The following OR5T2 variants were observed in gnomAD, a reference collection of about 807,000 sequenced individuals.
OR5T2 encodes the protein olfactory receptor 5T2.
OR5T2 carries 12 observed loss-of-function variants against 13.7 expected under a neutral mutation model. That is an observed-to-expected ratio of 0.88 (90% confidence interval 0.56 to 1.42). The LOEUF is 1.42. Ranked by LOEUF, OR5T2 falls within the 40% of genes most tolerant of loss-of-function variation. OR5T2 has a pLI of 0.00. For missense variants in OR5T2, 475 were observed against 372.0 expected, an observed-to-expected ratio of 1.28 and a Z score of -2.28; for synonymous variants, 146 against 139.5, an observed-to-expected ratio of 1.05 and a Z score of -0.33.
rs1355604779 is a variant in OR5T2 at position 56,232,302 on chromosome 11, A to ATTAT, written c.760_761insATAA (p.Leu254HisfsTer17). 8.1e-6 allele frequency: 13 copies of ATTAT among 1,609,984 alleles called. No homozygotes were observed. Among genetic ancestry groups the ATTAT allele is most frequent in the African/African-American group, 1.3e-5 (1 of 74,780 alleles). ...GGAACTTGGTCTCACATACATGAAG[A>ATTAT]GGATTGTCCCATAATAAATTGACAC... On this transcript the variant is annotated frameshift_variant, in exon 2 of 2. Coordinates refer to ENST00000641661, the MANE Select transcript of OR5T2 (RefSeq NM_001004746.4). LOFTEE classifies it high-confidence loss of function.
rs1853281035 is a variant in OR5T2 at position 56,231,678 on chromosome 11, G to A, written c.*428C>T. 1 of 156,170 alleles carries A rather than the reference G, an allele frequency of 6.4e-6. No homozygotes were observed. Among genetic ancestry groups the A allele is most frequent in the Non-Finnish European group, 1.4e-5 (1 of 71,104 alleles). The allele number at this position is 156,170 out of a possible 1,614,324, so 9.7% of individuals were successfully genotyped here. A position where few individuals can be genotyped will look rare whatever the true frequency, so the allele number is the denominator to read the frequency against. ...GGACACTGGTGAAGGGATGTGTAGG[G>A]CAAAGTATAAGGAAAGGGGTGCAGA... On this transcript the variant is annotated 3_prime_UTR_variant, in exon 2 of 2. Coordinates refer to ENST00000641661, the MANE Select transcript of OR5T2 (RefSeq NM_001004746.4).
In OR5T2 at chr11:56,233,244, G is replaced by C. The variant is rs551732972; in HGVS notation, c.-182C>G. On this transcript the variant is annotated 5_prime_UTR_variant, in exon 2 of 2. Transcript: ENST00000641661. Reference sequence around the variant, plus strand: ...TCAGAAGACAGTGACAAACTGGTCAGCCATGTGTTCATGCCACTCACTGCA... The same window carrying C: ...TCAGAAGACAGTGACAAACTGGTCACCCATGTGTTCATGCCACTCACTGCA... The C allele has an allele frequency of 2.9e-6, 4 of 1,401,790 alleles. No homozygotes were observed. The Admixed American group carries it at 1.0e-4, about 36-fold the overall frequency. 86.8% of individuals were successfully genotyped at this position (1,401,790 alleles called of 1,614,324 possible). A position where few individuals can be genotyped will look rare whatever the true frequency, so the allele number is the denominator to read the frequency against.
At position 56,232,752 on chromosome 11, in the gene OR5T2, C is replaced by G. The variant is rs1274623037; in HGVS notation, c.311G>C (p.Ser104Thr). Reference protein sequence around the residue: ...GCVAQVFLACSFGTTECFLLA... With the variant: ...GCVAQVFLACTFGTTECFLLA... ...GAGAAAGCATTCTGTGGTTCCAAAA[C>G]TACAAGCAAGAAACACCTGTGCTAC... Residue 104 changes from serine to threonine, a missense_variant, in exon 2 of 2, where the codon AGT (serine) becomes ACT (threonine). Ser to Thr is a moderately conservative substitution (Grantham distance 58). Coordinates refer to ENST00000641661, the MANE Select transcript of OR5T2 (RefSeq NM_001004746.4). The G allele has an allele frequency of 1.2e-6, 2 of 1,614,098 alleles. No homozygotes were observed. Among genetic ancestry groups the G allele is most frequent in the South Asian group, 1.1e-5 (1 of 91,082 alleles).
intron 1 of OR5T2, among the ~76,000 whole-genome samples, 178 bp downstream of exon 1, chr11:56,233,999 G>T (rs752798493): frequency 2.6e-5 from 4 of 151,956 alleles, no homozygotes; most frequent in Admixed American, 6.6e-5. Context: ...GATTCTTGAA[G>T]ATTTAATAAT....
Position 56,232,629 on chromosome 11 carries a change from G to T in OR5T2, c.434C>A (p.Ala145Asp), listed in dbSNP as rs375456660. The T allele has an allele frequency of 1.2e-5, 20 of 1,614,142 alleles. No individual in the cohort carries two copies. The South Asian group carries it at 2.2e-4, about 18-fold the overall frequency. ...SPRVYMPLIN[A>D]SYVAGILHAT... ...ATGTAAAATGCCAGCAACATAGGAA[G>T]CATTGATGAGTGGCATGTAGACTCT... is the stretch of plus-strand genomic sequence containing the variant. Residue 145 changes from alanine to aspartate, a missense_variant, in exon 2 of 2, where the codon GCT (alanine) becomes GAT (aspartate). By Grantham distance (126) the Ala-to-Asp change is moderately radical. Coordinates refer to ENST00000641661, the MANE Select transcript of OR5T2 (RefSeq NM_001004746.4).
rs949027917 is a variant in OR5T2, at chr11:56,231,935, G to C, written c.*171C>G. The C allele has an allele frequency of 2.1e-5, 11 of 511,914 alleles. No homozygotes were observed. In the East Asian group the frequency reaches 2.9e-4, roughly 14 times the overall value. The allele number at this position is 511,914 out of a possible 1,614,324, so 31.7% of individuals were successfully genotyped here. A position where few individuals can be genotyped will look rare whatever the true frequency, so the allele number is the denominator to read the frequency against. On this transcript the variant is annotated 3_prime_UTR_variant, in exon 2 of 2. Coordinates refer to ENST00000641661, the MANE Select transcript of OR5T2 (RefSeq NM_001004746.4). ...GCAAGTGAAAGGAGGGCAGGAGAAG[G>C]TAAAAGGCCTGCCCCTGAGGTATAA... is the stretch of plus-strand genomic sequence containing the variant.
rs780113715 is a variant in OR5T2 at position 56,232,993 on chromosome 11, T to G, written c.70A>C (p.Ile24Leu). The change falls in exon 2 of 2, where the codon ATC becomes CTC. Residue 24 changes from isoleucine to leucine, a missense_variant. Coordinates refer to ENST00000641661, the MANE Select transcript of OR5T2 (RefSeq NM_001004746.4). The stretch of plus-strand genomic sequence containing the variant: ...ATTGCTAGAAACAGGAAGAAGAAGA[T>G]AGTCTGCAGTTCAAGATTGTCTGTG... ...GFTDNLELQT[I>L]FFFLFLAIYL... 10 of 1,605,074 alleles carry G rather than the reference T, an allele frequency of 6.2e-6. No homozygotes were observed. Among genetic ancestry groups the G allele is most frequent in the Non-Finnish European group, 2.6e-6 (3 of 1,175,058 alleles).
rs776518358 is a variant in OR5T2 at position 56,233,037 on chromosome 11, A to C, written c.26T>G (p.Leu9Ter). 1.9e-6 allele frequency: 3 copies of C among 1,607,172 alleles called. No individual in the cohort carries two copies. The highest frequency in any genetic ancestry group is 2.2e-5 in the East Asian group (1 of 44,672). MKNVTEVT[L>*]FVLKGFTDNL... The stretch of plus-strand genomic sequence containing the variant: ...GTCTGTGAAGCCCTTCAGTACAAAT[A>C]AGGTAACTTCAGTGACATTCTTCAT... The change falls in exon 2 of 2, where the codon TTA (leucine) becomes TGA (stop). Residue 9 changes from leucine to a stop codon, truncating the protein, a stop_gained. Transcript: ENST00000641661. LOFTEE classifies it high-confidence loss of function.
Position 56,231,974 on chromosome 11 carries a change from A to G in OR5T2, c.*132T>C, listed in dbSNP as rs946455018. On this transcript the variant is annotated 3_prime_UTR_variant, in exon 2 of 2. Transcript: ENST00000641661. ...CCTGAGGTATAACACCCAACATTAT[A>G]ACAAAAGACTGTAACAAAGGCTATG... 4.1e-6 allele frequency: 3 copies of G among 737,752 alleles called. No homozygotes were observed. In the Admixed American group the frequency reaches 1.0e-4, roughly 24 times the overall value. The allele number at this position is 737,752 out of a possible 1,614,324, so 45.7% of individuals were successfully genotyped here.
chr11:56,232,439 A>C lies in OR5T2; in HGVS notation c.624T>G (p.Thr208=), dbSNP rs759904819. The stretch of plus-strand genomic sequence containing the variant: ...CATAGGAGATCAGAACAATCAGGAT[A>C]GTGACCAGCTCGATAGAGCCCACAA... The part of the protein sequence containing the change: ...FYFVGSIELV[T]ILIVLISYGL... The change falls in exon 2 of 2, where the codon ACT becomes ACG. Residue 208 remains threonine (T), a synonymous_variant. Transcript: ENST00000641661. 1 of 1,609,456 alleles carries C rather than the reference A, an allele frequency of 6.2e-7. No individual in the cohort carries two copies. Among genetic ancestry groups the C allele is most frequent in the Non-Finnish European group, 8.5e-7 (1 of 1,177,426 alleles).
intron 1 of OR5T2, among the ~76,000 whole-genome samples, chr11:56,233,688 T>A (rs933952917): frequency 6.6e-6 from 1 of 152,104 alleles, no homozygotes; most frequent in East Asian, 1.9e-4. Context: ...TTAAATCCAA[T>A]GAACAGTTAT....
At chr11:56,233,883 GA>G (rs1853332531) in intron 1 of OR5T2, among the ~76,000 whole-genome samples, 1 of 151,496 alleles carries the variant, frequency 6.6e-6, no homozygotes, top group Non-Finnish European at 1.5e-5. Flanking sequence ...AATTTCTTGT[GA>G]GACAGGCATT....
In OR5T2 at chr11:56,232,860, T is replaced by TC; in HGVS notation, c.202dup (p.Asp68GlyfsTer21). 1.2e-6 allele frequency: 2 copies of TC among 1,612,526 alleles called. No individual in the cohort carries two copies. On this transcript the variant is annotated frameshift_variant, in exon 2 of 2. Coordinates refer to ENST00000641661, the MANE Select transcript of OR5T2 (RefSeq NM_001004746.4). LOFTEE classifies it high-confidence loss of function. ...GGTAATAACTGAGGAATAGCAGGCA[T>TC]CCACAGAAGACAACATACTCAGAAA...
At position 56,232,619 on chromosome 11, in the gene OR5T2, A is replaced by T; in HGVS notation, c.444T>A (p.Val148=). Residue 148 remains valine (V), a synonymous_variant, in exon 2 of 2, where the codon GTT becomes GTA. Transcript: ENST00000641661. ...VYMPLINASY[V]AGILHATIHT... ...GTATAGTAGCATGTAAAATGCCAGC[A>T]ACATAGGAAGCATTGATGAGTGGCA... is the stretch of plus-strand genomic sequence containing the variant. 2 of 1,614,110 alleles carry T rather than the reference A, an allele frequency of 1.2e-6. No homozygotes were observed. Among genetic ancestry groups the T allele is most frequent in the South Asian group, 2.2e-5 (2 of 91,078 alleles).
rs1397536609 is a variant in OR5T2 at position 56,232,816 on chromosome 11, A to C, written c.247T>G (p.Phe83Val). The part of the protein sequence containing the change: ...SVITPNMLVD[F>V]TTKNKVISFL... ...GAAATGACTTTATTCTTTGTCGTAA[A>C]ATCTACTAACATATTTGGGGTAATA... Residue 83 changes from phenylalanine (F) to valine (V), a missense_variant, in exon 2 of 2, where the codon TTT becomes GTT. Physicochemically the swap from Phe to Val is conservative, Grantham distance 50. Coordinates refer to ENST00000641661, the MANE Select transcript of OR5T2 (RefSeq NM_001004746.4). 2.5e-6 allele frequency: 4 copies of C among 1,613,762 alleles called. No individual in the cohort carries two copies. In the East Asian group the frequency reaches 8.9e-5, roughly 36 times the overall value.
rs113109292 is a variant in OR5T2 at position 56,233,181 on chromosome 11, G to A, written c.-119C>T. The A allele has an allele frequency of 3.0e-5, 46 of 1,522,704 alleles. No individual in the cohort carries two copies. Among genetic ancestry groups the A allele is most frequent in the African/African-American group, 2.1e-4 (15 of 72,182 alleles). The allele number at this position is 1,522,704 out of a possible 1,614,324, so 94.3% of individuals were successfully genotyped here. ...AACTGTGCTCTTGTATATACTGTAC[G>A]ACATATATTCAGCAGTGCATAATTC... On this transcript the variant is annotated 5_prime_UTR_variant, in exon 2 of 2. Coordinates refer to ENST00000641661, the MANE Select transcript of OR5T2 (RefSeq NM_001004746.4).
Position 56,232,115 on chromosome 11 carries a change from A to G in OR5T2, c.948T>C (p.Thr316=), listed in dbSNP as rs1853289383. The stretch of plus-strand genomic sequence containing the variant: ...CCTCACCTTTTATAATTTATTTTTT[A>G]GTATGAAAATATACTTTATTGATAA... ...NQVINKVYFH[T]KK The change falls in exon 2 of 2, where the codon ACT becomes ACC. Residue 316 remains threonine (T), a synonymous_variant. Coordinates refer to ENST00000641661, the MANE Select transcript of OR5T2 (RefSeq NM_001004746.4). 2.0e-6 allele frequency: 3 copies of G among 1,535,768 alleles called. No homozygotes were observed. The highest frequency in any genetic ancestry group is 1.8e-6 in the Non-Finnish European group (2 of 1,141,712).
In OR5T2 at chr11:56,232,031, C is replaced by T. The variant is rs565950294; in HGVS notation, c.*75G>A. 172 of 1,251,846 alleles carry T rather than the reference C, an allele frequency of 1.4e-4. No homozygotes were observed. The highest frequency in any genetic ancestry group is 1.8e-4 in the Non-Finnish European group (163 of 929,690). The allele number at this position is 1,251,846 out of a possible 1,614,324, so 77.5% of individuals were successfully genotyped here. On this transcript the variant is annotated 3_prime_UTR_variant, in exon 2 of 2. Coordinates refer to ENST00000641661, the MANE Select transcript of OR5T2 (RefSeq NM_001004746.4). ...ATGAGCCAGGAACCCTGGATGGAAA[C>T]CAACATATATCATAACACCACAATG... is the stretch of plus-strand genomic sequence containing the variant.
At position 56,231,528 on chromosome 11, in the gene OR5T2, A is replaced by G. The variant is rs1055224063; in HGVS notation, c.*578T>C. ...CCAGTCACAAATTCGGGTCTCTGAAACTTTGACCAACCTGCTTCAAGTTGG... is the reference window on the plus strand; with the variant it reads ...CCAGTCACAAATTCGGGTCTCTGAAGCTTTGACCAACCTGCTTCAAGTTGG... On this transcript the variant is annotated 3_prime_UTR_variant, in exon 2 of 2. Transcript: ENST00000641661. 2 of 152,146 alleles carry G rather than the reference A, an allele frequency of 1.3e-5. No individual in the cohort carries two copies. Among genetic ancestry groups the G allele is most frequent in the African/African-American group, 4.8e-5 (2 of 41,428 alleles). The allele number at this position is 152,146 out of a possible 1,614,324, so 9.4% of individuals were successfully genotyped here. A position where few individuals can be genotyped will look rare whatever the true frequency, so the allele number is the denominator to read the frequency against.
Sources: gnomAD v4.1 joint callset for allele counts (sites outside exome capture counted in the v4.1 genomes callset) on GRCh38, gnomAD v4.1.1 for gene constraint, MANE v1.5 for transcripts, NCBI Gene and HGNC (gene_info 2026-07-23, HGNC 2026-07-21) for gene names.